NDUFA11: variants seen among roughly 807,000 people sequenced by gnomAD.
NDUFA11 encodes the protein NADH dehydrogenase [ubiquinone] 1 alpha subcomplex subunit 11.
Under a neutral mutation model 11.3 loss-of-function variants are expected in NDUFA11, and 14 were observed. That is an observed-to-expected ratio of 1.24 (90% CI 0.82 to 1.94). The LOEUF (loss-of-function observed/expected upper bound fraction) is 1.94, where lower values mean the gene tolerates loss of function less well. NDUFA11 is among the 30% of genes most tolerant of loss of function. NDUFA11 has a pLI of 0.00. For synonymous variants in NDUFA11, 87 were observed against 85.6 expected (o/e 1.02, Z -0.09); for missense variants, 204 against 200.3 (o/e 1.02, Z -0.11).
downstream of NDUFA11, chr19:5,892,688 C>A: frequency 2.1e-6 from 1 of 481,436 alleles, no homozygotes; most frequent in Non-Finnish European, 3.4e-6. Flanking sequence ...CGGGTCCACA[C>A]TGCCCAGCAG....
intron 3 of NDUFA11, 162 bp from the exon 4 acceptor site, chr19:5,895,016 G>T: frequency 1.2e-6 from 1 of 833,816 alleles, no homozygotes; most frequent in Non-Finnish European, 1.8e-6. Flanking sequence ...AGACTCTGGA[G>T]ATGTGGAAAC....
In NDUFA11 at chr19:5,896,716, T is replaced by C; in HGVS notation, c.191-141A>G. ...CATGGCAGCCTCCTGGCCCCAGTCC[T>C]GGAGCTGTTCTCCTGGGCCTCCCCA... is the stretch of plus-strand genomic sequence containing the variant. On this transcript the variant is annotated intron_variant, in intron 2 of 3. Coordinates refer to ENST00000308961, the MANE Select transcript of NDUFA11 (RefSeq NM_175614.5). This position sits in a 1 kb window ranked among gnomAD's most constrained non-coding sequence, Gnocchi z 5.8. The C allele has an allele frequency of 1.5e-6, 2 of 1,342,820 alleles. No homozygotes were observed. Among genetic ancestry groups the C allele is most frequent in the South Asian group, 2.4e-5 (2 of 81,946 alleles). The allele number at this position is 1,342,820 out of a possible 1,614,324, so 83.2% of individuals were successfully genotyped here.
rs780581898 is a variant in NDUFA11, at chr19:5,896,617, C to T, written c.191-42G>A. 4.7e-5 allele frequency: 73 copies of T among 1,554,298 alleles called. No homozygotes were observed. In the South Asian group the frequency reaches 5.1e-4, roughly 11 times the overall value. On this transcript the variant is annotated intron_variant, in intron 2 of 3. Transcript: ENST00000308961. The surrounding 1 kb of genome is among the most constrained non-coding windows in gnomAD (Gnocchi z 5.8). ...AAGAGCAAGGGCCTCGAGACGGGCACAGCAGGAGCCTCTTGGGCGCTCACT... is the reference window on the plus strand; with the variant it reads ...AAGAGCAAGGGCCTCGAGACGGGCATAGCAGGAGCCTCTTGGGCGCTCACT...
chr19:5,894,045 C>A (rs1322308667), downstream of NDUFA11, among the ~76,000 whole-genome samples: 1 of 152,250 alleles, frequency 6.6e-6, no homozygotes, highest in Admixed American at 6.5e-5. Flanking sequence ...GGGGTGGTGC[C>A]AGCATTCCAG....
chr19:5,896,955 C>T lies in NDUFA11; in HGVS notation c.140G>A (p.Gly47Asp), dbSNP rs761537103. The T allele has an allele frequency of 1.9e-6, 3 of 1,613,952 alleles. No individual in the cohort carries two copies. The highest frequency in any genetic ancestry group is 1.7e-6 in the Non-Finnish European group (2 of 1,180,016). ...CTTAGCCACTCCTTCAAGGAAGGTG[C>T]CCGGAGGATTGAGTGTGACTCTGTA... ...AAYRVTLNPP[G>D]TFLEGVAKVG... is the part of the protein sequence containing the mutation. The change falls in exon 2 of 4, where the codon GGC becomes GAC. Residue 47 changes from glycine (G) to aspartate (D), a missense_variant. Physicochemically the swap from Gly to Asp is moderately conservative, Grantham distance 94. Coordinates refer to ENST00000308961, the MANE Select transcript of NDUFA11 (RefSeq NM_175614.5). The surrounding 1 kb of genome is among the most constrained non-coding windows in gnomAD (Gnocchi z 5.8).
chr19:5,901,504 G>T lies in NDUFA11; in HGVS notation c.97+2108C>A, dbSNP rs2057645201. The T allele has an allele frequency of 2.4e-6, 3 of 1,263,986 alleles. No individual in the cohort carries two copies. The Admixed American group carries it at 7.0e-5, about 29-fold the overall frequency. The allele number at this position is 1,263,986 out of a possible 1,614,324, so 78.3% of individuals were successfully genotyped here. ...CGTCTGTCTTACTATTAATAAATAT[G>T]CAAAATATGGGAGTGATGATTAGGT... On this transcript the variant is annotated intron_variant, in intron 1 of 3. Coordinates refer to ENST00000308961, the MANE Select transcript of NDUFA11 (RefSeq NM_175614.5).
chr19:5,898,164 G>GAT (rs2057622461), intron 1 of NDUFA11, among the ~76,000 whole-genome samples: 1 of 152,140 alleles, frequency 6.6e-6, no homozygotes, highest in South Asian at 2.1e-4. Flanking sequence ...ATTCTCCAGA[G>GAT]GTCACCCAGC....
rs1432597938 is a variant in NDUFA11 at position 5,896,862 on chromosome 19, G to A, written c.190+43C>T. 2.6e-6 allele frequency: 4 copies of A among 1,524,792 alleles called. No individual in the cohort carries two copies. In the African/African-American group the frequency reaches 4.1e-5, roughly 16 times the overall value. The allele number at this position is 1,524,792 out of a possible 1,614,324, so 94.5% of individuals were successfully genotyped here. A position where few individuals can be genotyped will look rare whatever the true frequency, so the allele number is the denominator to read the frequency against. On this transcript the variant is annotated intron_variant, in intron 2 of 3. Transcript: ENST00000308961. The surrounding 1 kb of genome is among the most constrained non-coding windows in gnomAD (Gnocchi z 5.8). The stretch of plus-strand genomic sequence containing the variant: ...CAAATGTGCTCTGAGAGCTGGGGCT[G>A]TGCCAGGAGAGGGCCCAGCCATGCC...
chr19:5,893,190 G>A (rs1295234288), downstream of NDUFA11: 3 of 1,536,074 alleles, frequency 2.0e-6, no homozygotes, highest in Non-Finnish European at 2.6e-6. The surrounding 1 kb of genome is among the most constrained non-coding windows in gnomAD (Gnocchi z 4.1). Flanking sequence ...GTACACAGTG[G>A]CTCATGCCTA....
chr19:5,897,216 C>T (rs2057616012), intron 1 of NDUFA11, among the ~76,000 whole-genome samples: 1 of 152,182 alleles, frequency 6.6e-6, no homozygotes, highest in South Asian at 2.1e-4. Context: ...CCCCGCCAGG[C>T]CTTCCTTGGC....
rs903043938 is a variant in NDUFA11 at position 5,901,228 on chromosome 19, A to C, written c.97+2384T>G. 7.6e-6 allele frequency: 8 copies of C among 1,054,254 alleles called. No homozygotes were observed. In the African/African-American group the frequency reaches 1.3e-4, roughly 17 times the overall value. 65.3% of individuals were successfully genotyped at this position (1,054,254 alleles called of 1,614,324 possible). A position where few individuals can be genotyped will look rare whatever the true frequency, so the allele number is the denominator to read the frequency against. The stretch of plus-strand genomic sequence containing the variant: ...TTTTGTATTCACACATGAGGAATGC[A>C]CACACTCTCTCACATGAACACCAAC... On this transcript the variant is annotated intron_variant, in intron 1 of 3. Transcript: ENST00000308961.
In NDUFA11 at chr19:5,896,510, C is replaced by A. The variant is rs544224039; in HGVS notation, c.256G>T (p.Asp86Tyr). The change falls in exon 3 of 4, where the codon GAC becomes TAC. Residue 86 changes from aspartate (D) to tyrosine (Y), a missense_variant. By Grantham distance (160) the Asp-to-Tyr change is radical. Coordinates refer to ENST00000308961, the MANE Select transcript of NDUFA11 (RefSeq NM_175614.5). The surrounding 1 kb of genome is among the most constrained non-coding windows in gnomAD (Gnocchi z 5.8). Reference protein sequence around the residue: ...ISAHVREKPDDPLNYFLGGCA... With the variant: ...ISAHVREKPDYPLNYFLGGCA... ...CCACCGAGGAAGTAGTTCAGGGGGTCGTCGGGCTTCTCGCGGACATGGGCG... is the reference window on the plus strand; with the variant it reads ...CCACCGAGGAAGTAGTTCAGGGGGTAGTCGGGCTTCTCGCGGACATGGGCG... 2 of 1,571,738 alleles carry A rather than the reference C, an allele frequency of 1.3e-6. No individual in the cohort carries two copies. The highest frequency in any genetic ancestry group is 8.6e-7 in the Non-Finnish European group (1 of 1,158,918).
chr19:5,900,323 C>G (rs1394391007), intron 1 of NDUFA11, among the ~76,000 whole-genome samples: 2 of 152,222 alleles, frequency 1.3e-5, no homozygotes, highest in African/African-American at 4.8e-5. Context: ...TTACCGAGTA[C>G]CTAACAAGGT....
chr19:5,903,735 G>T lies in NDUFA11; in HGVS notation c.-27C>A, dbSNP rs985887880. 2.6e-6 allele frequency: 4 copies of T among 1,549,336 alleles called. No homozygotes were observed. The highest frequency in any genetic ancestry group is 2.4e-5 in the South Asian group (2 of 84,014). ...GCCCGCAATCTCGATCCCGCACCACGGACCCCGCCAGCTCGGGAAGCGCAA... is the reference window on the plus strand; with the variant it reads ...GCCCGCAATCTCGATCCCGCACCACTGACCCCGCCAGCTCGGGAAGCGCAA... On this transcript the variant is annotated 5_prime_UTR_variant, in exon 1 of 4. Coordinates refer to ENST00000308961, the MANE Select transcript of NDUFA11 (RefSeq NM_175614.5).
At chr19:5,892,041 T>C (rs900234530), downstream of NDUFA11, 2 of 152,234 alleles carry the variant, frequency 1.3e-5, no homozygotes, top group Non-Finnish European at 2.9e-5. Context: ...GGGCCTCGGC[T>C]TTGGGGTTCC....
At chr19:5,897,967 C>G (rs978088455) in intron 1 of NDUFA11, among the ~76,000 whole-genome samples, 1 of 152,216 alleles carries the variant, frequency 6.6e-6, no homozygotes, top group Non-Finnish European at 1.5e-5. Flanking sequence ...CAAGCACCCC[C>G]CTCTCCCTAC....
chr19:5,896,141 C>G lies in NDUFA11; in HGVS notation c.313+312G>C. On this transcript the variant is annotated intron_variant, in intron 3 of 3. Transcript: ENST00000308961. This position sits in a 1 kb window ranked among gnomAD's most constrained non-coding sequence, Gnocchi z 5.8. ...GGACAGTGAGGGGAACAGCATTCCA[C>G]GCAGTGCACTGCCCATGCAAAGGCC... 1.7e-6 allele frequency: 1 copy of G among 577,512 alleles called. No homozygotes were observed. The highest frequency in any genetic ancestry group is 3.1e-6 in the Non-Finnish European group (1 of 325,760). 35.8% of individuals were successfully genotyped at this position (577,512 alleles called of 1,614,324 possible). A position where few individuals can be genotyped will look rare whatever the true frequency, so the allele number is the denominator to read the frequency against.
chr19:5,901,047 C>T (rs780590785), intron 1 of NDUFA11, among the ~76,000 whole-genome samples: 7 of 152,130 alleles, frequency 4.6e-5, no homozygotes, highest in African/African-American at 7.2e-5. Flanking sequence ...ATGCCATCAG[C>T]GATCTCCTGA....
At chr19:5,901,414 C>T (rs1051824819) in intron 1 of NDUFA11, 1 of 1,287,042 alleles carries the variant, frequency 7.8e-7, no homozygotes, top group African/African-American at 1.5e-5. Flanking sequence ...TTCAAATGAC[C>T]CTGGAGCAGT....
Sources: allele counts gnomAD v4.1 joint callset (sites outside exome capture counted in the v4.1 genomes callset), GRCh38; gene constraint gnomAD v4.1.1; non-coding constraint Gnocchi (gnomAD v3.1); transcripts MANE v1.5; gene names NCBI Gene and HGNC (gene_info 2026-07-23, HGNC 2026-07-21).